RAB5A: variants seen among roughly 807,000 people sequenced by gnomAD.
RAB5A encodes the protein ras-related protein Rab-5A.
Under a neutral mutation model 25.7 loss-of-function variants are expected in RAB5A, and 8 were observed. That is an observed-to-expected ratio of 0.31 (90% CI 0.18 to 0.56). The LOEUF (loss-of-function observed/expected upper bound fraction) is 0.56, where lower values mean the gene tolerates loss of function less well. RAB5A is among the 20% of genes least tolerant of loss of function. The pLI is 0.91. For synonymous variants in RAB5A, 98 were observed against 89.8 expected (o/e 1.09, Z -0.52); for missense variants, 192 against 259.7 (o/e 0.74, Z 1.79).
intron 2 of RAB5A, 154 bp from the exon 3 acceptor site, chr3:19,975,447 C>T (rs530787211): frequency 1.1e-3 from 684 of 617,598 alleles, no homozygotes; most frequent in Non-Finnish European, 1.6e-3. Flanking sequence ...TTTTTTTTCC[C>T]CCCTCATTTA....
At chr3:19,955,134 A>G (rs561478877) in intron 2 of RAB5A, among the ~76,000 whole-genome samples, 51 of 152,232 alleles carry the variant, frequency 3.4e-4, no homozygotes, top group Non-Finnish European at 5.9e-4. Flanking sequence ...TGATATTTAT[A>G]AACAAATTAA....
At chr3:19,965,709 T>G (rs755732440) in intron 2 of RAB5A, among the ~76,000 whole-genome samples, 1 of 152,146 alleles carries the variant, frequency 6.6e-6, no homozygotes, top group Non-Finnish European at 1.5e-5. Context: ...CTTTAGATGT[T>G]GCTCATAGAT....
chr3:19,983,310 T>C (rs974458630), intron 5 of RAB5A, among the ~76,000 whole-genome samples: 4 of 129,862 alleles, frequency 3.1e-5, no homozygotes, highest in Non-Finnish European at 6.2e-5. Flanking sequence ...CACTCCAGCC[T>C]AGGTGAGCCT....
chr3:19,974,767 G>A (rs980092608), intron 2 of RAB5A, among the ~76,000 whole-genome samples: 17 of 150,788 alleles, frequency 1.1e-4, no homozygotes, highest in Admixed American at 8.6e-4. Flanking sequence ...CTAATTTGGT[G>A]GTAACTGACT....
intron 2 of RAB5A, chr3:19,970,451 G>C: frequency 2.4e-6 from 1 of 411,516 alleles, no homozygotes; most frequent in South Asian, 1.7e-5. Context: ...CTTGCAAATA[G>C]GAGCTGATCA....
At chr3:19,965,777 G>A (rs986351006) in intron 2 of RAB5A, among the ~76,000 whole-genome samples, 10 of 151,890 alleles carry the variant, frequency 6.6e-5, no homozygotes, top group Admixed American at 5.2e-4. Context: ...GGATGGGGAC[G>A]GGATGACAGG....
At chr3:19,978,907 A>G (rs1696869586) in intron 5 of RAB5A, 1 of 152,290 alleles carries the variant, frequency 6.6e-6, no homozygotes, top group Admixed American at 6.5e-5. Context: ...AAGGAAAACA[A>G]AACAACATCC....
At chr3:19,953,355 T>C (rs1340560751) in intron 2 of RAB5A, among the ~76,000 whole-genome samples, 1 of 152,126 alleles carries the variant, frequency 6.6e-6, no homozygotes, top group Non-Finnish European at 1.5e-5. Flanking sequence ...CATTTCTATG[T>C]GTAGAGCTTC....
At position 19,984,166 on chromosome 3, in the gene RAB5A, C is replaced by T. The variant is rs1338677156; in HGVS notation, c.*343C>T. 9 of 325,448 alleles carry T rather than the reference C, an allele frequency of 2.8e-5. No individual in the cohort carries two copies. Among genetic ancestry groups the T allele is most frequent in the Admixed American group, 9.0e-5 (2 of 22,272 alleles). 20.2% of individuals were successfully genotyped at this position (325,448 alleles called of 1,614,324 possible). Reference sequence around the variant, plus strand: ...CATTTCTCCACACTGGTACAGTAGTCACCTGTGAAAAAAAAATTGGAACTT... The same window carrying T: ...CATTTCTCCACACTGGTACAGTAGTTACCTGTGAAAAAAAAATTGGAACTT... On this transcript the variant is annotated 3_prime_UTR_variant, in exon 6 of 6. Coordinates refer to ENST00000273047, the MANE Select transcript of RAB5A (RefSeq NM_004162.5).
At chr3:19,981,146 G>T (rs1207516116) in intron 5 of RAB5A, among the ~76,000 whole-genome samples, 2 of 152,076 alleles carry the variant, frequency 1.3e-5, no homozygotes, top group Admixed American at 1.3e-4. Context: ...CTCAAAAAAT[G>T]AATTTAGCAC....
intron 2 of RAB5A, among the ~76,000 whole-genome samples, chr3:19,954,100 T>C (rs1319766125): frequency 6.6e-6 from 1 of 152,076 alleles, no homozygotes; most frequent in Non-Finnish European, 1.5e-5. Context: ...CTGCAACCTC[T>C]ACTTCCCAGG....
chr3:19,948,494 CTA>C (rs1696367494), intron 1 of RAB5A, among the ~76,000 whole-genome samples: 1 of 152,150 alleles, frequency 6.6e-6, no homozygotes, highest in South Asian at 2.1e-4. Context: ...AGGATTTTAA[CTA>C]TAGAATGAAT....
chr3:19,980,445 A>ATTTTTTTTTTTTTTTTTTTTTT, intron 5 of RAB5A, among the ~76,000 whole-genome samples: 1 of 148,104 alleles, frequency 6.8e-6, no homozygotes, highest in Non-Finnish European at 1.5e-5. Flanking sequence ...AGGTTAGTAA[A>ATTTTTTTTTTTTTTTTTTTTTT]TTTTTTTTTC....
chr3:19,973,775 G>A (rs1282519012), intron 2 of RAB5A, among the ~76,000 whole-genome samples: 1 of 152,066 alleles, frequency 6.6e-6, no homozygotes, highest in Admixed American at 6.6e-5. Flanking sequence ...TTTAGTTGTT[G>A]ATACTAAAGC....
At chr3:19,974,404 C>T (rs1696792824) in intron 2 of RAB5A, among the ~76,000 whole-genome samples, 1 of 152,106 alleles carries the variant, frequency 6.6e-6, no homozygotes, top group Admixed American at 6.6e-5. Flanking sequence ...TTGCCTTCCT[C>T]AGCCTCCCAG....
At chr3:19,981,772 T>C (rs1036497385) in intron 5 of RAB5A, among the ~76,000 whole-genome samples, 3 of 152,126 alleles carry the variant, frequency 2.0e-5, no homozygotes, top group Non-Finnish European at 2.9e-5. Flanking sequence ...TGTATAGAGC[T>C]TGGCAGAGGT....
intron 1 of RAB5A, 92 bp from the exon 2 acceptor site, chr3:19,950,714 A>T: frequency 1.8e-6 from 1 of 544,308 alleles, no homozygotes; most frequent in Non-Finnish European, 3.2e-6. Context: ...AGTAGAGTTT[A>T]AGATAATCAT....
At position 19,950,846 on chromosome 3, in the gene RAB5A, T is replaced by A. The variant is rs532008844; in HGVS notation, c.-53T>A. 1 of 1,548,518 alleles carries A rather than the reference T, an allele frequency of 6.5e-7. No individual in the cohort carries two copies. The highest frequency in any genetic ancestry group is 1.4e-5 in the African/African-American group (1 of 73,028). ...GAAAGAAGAATATTGGCCCCTTGAA[T>A]TCTGGAAGTTCATTGAAGAGTCTGA... On this transcript the variant is annotated 5_prime_UTR_variant, in exon 2 of 6. Coordinates refer to ENST00000273047, the MANE Select transcript of RAB5A (RefSeq NM_004162.5).
intron 2 of RAB5A, among the ~76,000 whole-genome samples, chr3:19,964,394 C>G (rs899327186): frequency 7.3e-5 from 11 of 151,516 alleles, no homozygotes; most frequent in Admixed American, 3.3e-4. Flanking sequence ...TTAAAAATAC[C>G]CTTTGTTTTT....
Sources: allele counts gnomAD v4.1 joint callset (sites outside exome capture counted in the v4.1 genomes callset), GRCh38; gene constraint gnomAD v4.1.1; transcripts MANE v1.5; gene names NCBI Gene and HGNC (gene_info 2026-07-23, HGNC 2026-07-21).